ELN: variants seen among roughly 807,000 people sequenced by gnomAD.
ELN encodes the protein tropoelastin.
A neutral mutation model predicts 105.8 loss-of-function variants in ELN; 65 were observed. The observed-to-expected ratio is 0.61, with a 90% CI of 0.50 to 0.75. The LOEUF is 0.75. ELN is among the 30% of genes least tolerant of loss of function. The probability of loss-of-function intolerance (pLI) is 0.00; values close to 1 mark genes in which losing one functional copy is unlikely to be tolerated. For synonymous variants in ELN, 368 were observed against 389.2 expected (o/e 0.95, Z 0.64); for missense variants, 882 against 969.4 (o/e 0.91, Z 1.20).
rs540594780 is a variant in ELN at position 74,063,399 on chromosome 7, GCCAGGCCC to G, written c.1918+44_1918+51del. The G allele has an allele frequency of 7.1e-6, 11 of 1,544,232 alleles. No homozygotes were observed. The highest frequency in any genetic ancestry group is 2.7e-5 in the African/African-American group (2 of 73,130). The stretch of plus-strand genomic sequence containing the variant: ...GCACTGGGTGGAGGTGGGAGCTGCC[GCCAGGCCC>G]CCAGGCCCCCAGGGTGTGGGAGGAG... On this transcript the variant is annotated intron_variant, in intron 28 of 32. Transcript: ENST00000252034. The surrounding 1 kb of genome is among the most constrained non-coding windows in gnomAD (Gnocchi z 4.1).
intron 5 of ELN, among the ~76,000 whole-genome samples, chr7:74,042,265 C>CTA (rs554303956): frequency 6.9e-6 from 1 of 144,602 alleles, no homozygotes. Context: ...ACAAAAAATA[C>CTA]AAAAAAAAAA....
At chr7:74,066,867 G>C in intron 32 of ELN, 91 bp downstream of exon 32, 3 of 1,435,284 alleles carry the variant, frequency 2.1e-6, no homozygotes, top group Non-Finnish European at 2.9e-6. Flanking sequence ...CAGAAGGGCT[G>C]AGCCAGCACC....
chr7:74,032,372 C>T (rs1297778985), intron 1 of ELN, among the ~76,000 whole-genome samples: 1 of 152,202 alleles, frequency 6.6e-6, no homozygotes, highest in African/African-American at 2.4e-5. Flanking sequence ...GAGGCAAGGA[C>T]ATTCCTGGCA....
rs571065332 is a variant in ELN at position 74,035,850 on chromosome 7, G to A, written c.133+436G>A. 3.9e-5 allele frequency among the ~76,000 whole-genome samples: 6 copies of A among 152,050 alleles called. No individual in the cohort carries two copies. In the South Asian group the frequency reaches 1.0e-3, roughly 26 times the overall value. On this transcript the variant is annotated intron_variant, in intron 2 of 32. Transcript: ENST00000252034. The stretch of plus-strand genomic sequence containing the variant: ...GCTACTGGGGAGGCTGAGGCAGGAG[G>A]ATCACTTGAGCTTAGGAGTTCAAGG...
At chr7:74,048,462 G>A (rs200449726) in intron 14 of ELN, 41 bp from the exon 15 acceptor site, 12 of 1,613,810 alleles carry the variant, frequency 7.4e-6, no homozygotes, top group African/African-American at 2.7e-5. Context: ...AGATACAGGA[G>A]CACTGTTTCA....
intron 20 of ELN, 48 bp from the exon 21 acceptor site, chr7:74,056,624 A>T: frequency 6.2e-7 from 1 of 1,613,354 alleles, no homozygotes; most frequent in Non-Finnish European, 8.5e-7. Context: ...CTCGGAGGAG[A>T]CCCAGGCACG....
In ELN at chr7:74,046,180, C is replaced by T; in HGVS notation, c.542-8C>T. 1.2e-6 allele frequency: 2 copies of T among 1,614,262 alleles called. No homozygotes were observed. The highest frequency in any genetic ancestry group is 8.5e-7 in the Non-Finnish European group (1 of 1,180,040). On this transcript the variant is annotated splice_region_variant and splice_polypyrimidine_tract_variant and intron_variant, in intron 10 of 32. Transcript: ENST00000252034. ...CAGGGCTGTAGTGACAGCTTTTTAT[C>T]ATTACAGGTGTAGGTGGAGCTTTTG...
At chr7:74,051,276 C>A (rs1305929609) in intron 15 of ELN, among the ~76,000 whole-genome samples, 2 of 152,212 alleles carry the variant, frequency 1.3e-5, no homozygotes, top group African/African-American at 4.8e-5. Flanking sequence ...CGCAGGCCCC[C>A]CTCCCAGCAC....
At chr7:74,046,511 G>A (rs1433334495) in intron 11 of ELN, 185 bp from the exon 12 acceptor site, 5 of 742,854 alleles carry the variant, frequency 6.7e-6, no homozygotes, top group South Asian at 5.3e-5. Context: ...TAGCTTCCTG[G>A]AGGAAGTGGC....
At chr7:74,067,954 A>AAC (rs1798330768) in intron 32 of ELN, among the ~76,000 whole-genome samples, 1 of 150,834 alleles carries the variant, frequency 6.6e-6, no homozygotes. Context: ...AAAAAAAAAA[A>AAC]AAAAAACCTT....
rs1790163767 is a variant in ELN at position 74,037,191 on chromosome 7, ATCT to A, written c.164-511_164-509del. ...CTGCCAAGCCGGCTGAGCAGGCACC[ATCT>A]TCTTTTTTTTTTTTTTGAGACAAAG... On this transcript the variant is annotated intron_variant, in intron 3 of 32. Transcript: ENST00000252034. Among the ~76,000 whole-genome samples the A allele has an allele frequency of 2.9e-5, 4 of 138,734 alleles. No individual in the cohort carries two copies. The East Asian group carries it at 8.7e-4, about 30-fold the overall frequency. 91.0% of individuals were successfully genotyped at this position (138,734 alleles called of 152,430 possible). A position where few individuals can be genotyped will look rare whatever the true frequency, so the allele number is the denominator to read the frequency against.
rs41350445 is a variant in ELN at position 74,041,231 on chromosome 7, C to T, written c.212C>T (p.Ala71Val). The change falls in exon 5 of 33, where the codon GCG (alanine) becomes GTG (valine). Residue 71 changes from alanine (A) to valine (V), a missense_variant. Ala to Val is a moderately conservative substitution (Grantham distance 64). Transcript: ENST00000252034. ...KPLKPVPGGL[A>V]GAGLGAGLGA... Reference sequence around the variant, plus strand: ...TTATCCACAGTTCCCGGAGGGCTTGCGGGTGCTGGCCTTGGGGCAGGTGAG... The same window carrying T: ...TTATCCACAGTTCCCGGAGGGCTTGTGGGTGCTGGCCTTGGGGCAGGTGAG... 8.3e-4 allele frequency: 1,334 copies of T among 1,613,956 alleles called. 8 individuals carry two copies. The East Asian group carries it at 0.022, about 27-fold the overall frequency.
At chr7:74,041,082 T>C in intron 4 of ELN, 134 bp from the exon 5 acceptor site, 1 of 1,117,126 alleles carries the variant, frequency 9.0e-7, no homozygotes, top group Non-Finnish European at 1.4e-6. Context: ...GGATCGACCC[T>C]GAGCATCACA....
intron 5 of ELN, among the ~76,000 whole-genome samples, chr7:74,041,594 T>C (rs1791231809): frequency 6.6e-6 from 1 of 152,054 alleles, no homozygotes; most frequent in South Asian, 2.1e-4. Flanking sequence ...ATCCATGCAG[T>C]TTTCAGGAAG....
At chr7:74,055,540 C>T (rs1210827475) in intron 19 of ELN, among the ~76,000 whole-genome samples, 1 of 151,516 alleles carries the variant, frequency 6.6e-6, no homozygotes, top group African/African-American at 2.4e-5. Flanking sequence ...AGTGCAGTGG[C>T]ATGATTTTGG....
In ELN at chr7:74,069,542, G is replaced by A. The variant is rs782672945; in HGVS notation, c.*842G>A. ...CAGGCATCTCCTCCCCACCCGGGGT[G>A]TCCCCACATGCAGTACTGTATACCC... On this transcript the variant is annotated 3_prime_UTR_variant, in exon 33 of 33. Transcript: ENST00000252034. 13 of 234,088 alleles carry A rather than the reference G, an allele frequency of 5.6e-5. No individual in the cohort carries two copies. The highest frequency in any genetic ancestry group is 1.1e-4 in the Non-Finnish European group (13 of 118,550). 14.5% of individuals were successfully genotyped at this position (234,088 alleles called of 1,614,324 possible).
chr7:74,065,676 T>A lies in ELN; in HGVS notation c.1994-18T>A. On this transcript the variant is annotated intron_variant, in intron 29 of 32. Coordinates refer to ENST00000252034, the MANE Select transcript of ELN (RefSeq NM_000501.4). ...TGGCATTGGCATTCCTGAGCCGTCA[T>A]GTGCCTCATCTCCCCAGGTATACCT... The A allele has an allele frequency of 2.5e-6, 4 of 1,611,576 alleles. No homozygotes were observed. Among genetic ancestry groups the A allele is most frequent in the Non-Finnish European group, 3.4e-6 (4 of 1,179,678 alleles).
At chr7:74,057,914 C>T (rs1316416708) in intron 22 of ELN, among the ~76,000 whole-genome samples, 2 of 152,144 alleles carry the variant, frequency 1.3e-5, no homozygotes, top group Non-Finnish European at 2.9e-5. Flanking sequence ...CAGTGTGAGC[C>T]TCCCTGTTCC....
At chr7:74,043,961 G>A (rs1791862127) in intron 9 of ELN, 41 bp downstream of exon 9, 2 of 1,612,988 alleles carry the variant, frequency 1.2e-6, no homozygotes, top group Non-Finnish European at 8.5e-7. Flanking sequence ...TAGGAAGAAA[G>A]CAGCCAGGAC....
Sources: gnomAD v4.1 joint callset for allele counts (sites outside exome capture counted in the v4.1 genomes callset) on GRCh38, gnomAD v4.1.1 for gene constraint, Gnocchi (gnomAD v3.1) non-coding constraint, MANE v1.5 for transcripts, NCBI Gene and HGNC (gene_info 2026-07-23, HGNC 2026-07-21) for gene names.